The following PHKA1 variants were observed in gnomAD, a reference collection of about 807,000 sequenced individuals.
PHKA1 encodes the protein phosphorylase b kinase regulatory subunit alpha, skeletal muscle isoform.
PHKA1 carries 60 observed loss-of-function variants against 110.2 expected under a neutral mutation model. The observed-to-expected ratio is 0.54, with a 90% CI of 0.44 to 0.68. PHKA1 has a LOEUF of 0.68. PHKA1 is among the 30% of genes least tolerant of loss of function. PHKA1 has a pLI of 0.00. For synonymous variants in PHKA1, 316 were observed against 333.6 expected (o/e 0.95, Z 0.58); for missense variants, 801 against 942.5 (o/e 0.85, Z 1.97).
chrX:72,662,387 C>T (rs941674575), intron 8 of PHKA1, among the ~76,000 whole-genome samples: 10 of 111,715 alleles, frequency 9.0e-5, no homozygotes, highest in Non-Finnish European at 1.5e-4. Flanking sequence ...CTCAGCTGCT[C>T]GAAGCCTGGC....
chrX:72,649,010 C>T (rs1225492026), intron 13 of PHKA1, among the ~76,000 whole-genome samples: 5 of 111,566 alleles, frequency 4.5e-5, no homozygotes, highest in Non-Finnish European at 9.4e-5. Flanking sequence ...AAGGCTGTAG[C>T]CAGGCCTCAA....
intron 3 of PHKA1, among the ~76,000 whole-genome samples, chrX:72,704,438 T>C (rs1006646286): frequency 1.8e-5 from 2 of 111,601 alleles, no homozygotes; most frequent in African/African-American, 3.3e-5. Flanking sequence ...AGGTAATATA[T>C]GGTGTATATA....
chrX:72,682,248 G>GC (rs1391261473), intron 5 of PHKA1, among the ~76,000 whole-genome samples: 3 of 89,726 alleles, frequency 3.3e-5, no homozygotes, highest in African/African-American at 4.0e-5. Flanking sequence ...TGGGGGGTCA[G>GC]CCCCCCGCCC....
At chrX:72,675,405 C>T (rs1556311307) in intron 6 of PHKA1, among the ~76,000 whole-genome samples, 1 of 110,497 alleles carries the variant, frequency 9.1e-6, no homozygotes, top group South Asian at 3.8e-4. Flanking sequence ...TGTTTTTAAC[C>T]TTTCTGTATC....
At chrX:72,617,033 G>A (rs2052907742) in intron 21 of PHKA1, among the ~76,000 whole-genome samples, 1 of 111,567 alleles carries the variant, frequency 9.0e-6, no homozygotes, top group Non-Finnish European at 1.9e-5. Context: ...AGCAATGAAT[G>A]CATATATCAA....
Position 72,591,270 on chromosome X carries a change from G to A in PHKA1, c.3243+1834C>T, listed in dbSNP as rs188066522. ...AGTTCATGTCCTTTGCAGGGACATA[G>A]ACGAAGCTGGAGACCATCATTCTGA... is the stretch of plus-strand genomic sequence containing the variant. On this transcript the variant is annotated intron_variant, in intron 29 of 31. Coordinates refer to ENST00000373542, the MANE Select transcript of PHKA1 (RefSeq NM_002637.4). Among the ~76,000 whole-genome samples, 378 of 111,734 alleles carry A rather than the reference G, an allele frequency of 3.4e-3. 2 individuals carry two copies. Among genetic ancestry groups the A allele is most frequent in the African/African-American group, 0.012 (369 of 30,741 alleles).
chrX:72,678,856 G>A (rs1489438518), intron 5 of PHKA1, among the ~76,000 whole-genome samples: 6 of 112,356 alleles, frequency 5.3e-5, no homozygotes, highest in Non-Finnish European at 1.1e-4. Context: ...TGTTGTAAGA[G>A]TTTGCAGGCC....
rs1039468117 is a variant in PHKA1 at position 72,624,185 on chromosome X, T to C, written c.1794-910A>G. Reference sequence around the variant, plus strand: ...GTCACAAACAAATCTCATGTGCCTCTGATATGATGCACTGAAAGAGACTGT... The same window carrying C: ...GTCACAAACAAATCTCATGTGCCTCCGATATGATGCACTGAAAGAGACTGT... On this transcript the variant is annotated intron_variant, in intron 17 of 31. Transcript: ENST00000373542. Among the ~76,000 whole-genome samples the C allele has an allele frequency of 1.4e-4, 16 of 112,231 alleles. 1 individual carries two copies. The highest frequency in any genetic ancestry group is 1.4e-3 in the Admixed American group (15 of 10,617).
chrX:72,635,412 AC>A (rs1198827957), intron 15 of PHKA1, 113 bp from the exon 16 acceptor site: 5 of 675,941 alleles, frequency 7.4e-6, no homozygotes, highest in Non-Finnish European at 1.1e-5. Context: ...GGGCAATGAT[AC>A]CCCCACATTT....
chrX:72,655,748 G>T (rs931002430), intron 10 of PHKA1, among the ~76,000 whole-genome samples: 20 of 110,624 alleles, frequency 1.8e-4, no homozygotes, highest in African/African-American at 6.3e-4. Context: ...TCAGCCTCCC[G>T]AGTAGCTGGG....
At chrX:72,609,847 G>GA (rs1333289714) in intron 22 of PHKA1, 144 bp from the exon 23 acceptor site, 7 of 491,795 alleles carry the variant, frequency 1.4e-5, no homozygotes, top group Non-Finnish European at 2.5e-5. Flanking sequence ...ATGAAGATCA[G>GA]AAAAGAAGGA....
At chrX:72,649,726 G>A (rs1401242747) in intron 13 of PHKA1, among the ~76,000 whole-genome samples, 2 of 111,355 alleles carry the variant, frequency 1.8e-5, no homozygotes, top group African/African-American at 6.5e-5. Context: ...GGGCGCAGTG[G>A]CTCGCGCCTG....
intron 29 of PHKA1, among the ~76,000 whole-genome samples, chrX:72,586,863 G>A (rs1189288345): frequency 9.1e-5 from 10 of 109,985 alleles, no homozygotes; most frequent in African/African-American, 3.0e-4. Flanking sequence ...GAAATAAAGC[G>A]AGAAGAGAAG....
chrX:72,586,554 C>T (rs782779279), intron 29 of PHKA1, among the ~76,000 whole-genome samples: 11 of 111,251 alleles, frequency 9.9e-5, no homozygotes, highest in Non-Finnish European at 1.5e-4. Context: ...TCACCAACAA[C>T]GGAACAAAGC....
chrX:72,599,271 A>T (rs1174865104), intron 28 of PHKA1, among the ~76,000 whole-genome samples: 1 of 111,488 alleles, frequency 9.0e-6, no homozygotes, highest in African/African-American at 3.3e-5. Context: ...CAGCTTGAGA[A>T]ATCTGAAATC....
intron 25 of PHKA1, among the ~76,000 whole-genome samples, chrX:72,603,654 T>C (rs2052688141): frequency 9.0e-6 from 1 of 111,531 alleles, no homozygotes; most frequent in African/African-American, 3.3e-5. Flanking sequence ...CATGAAATTA[T>C]GAATATATGA....
chrX:72,649,941 G>A (rs1440052818), intron 13 of PHKA1, among the ~76,000 whole-genome samples: 3 of 107,422 alleles, frequency 2.8e-5, no homozygotes, highest in Middle Eastern at 4.7e-3. Context: ...GCAGTGAGCC[G>A]AGATTGCCCC....
At chrX:72,623,433 C>T (rs1477742366) in intron 17 of PHKA1, among the ~76,000 whole-genome samples, 158 bp from the exon 18 acceptor site, 1 of 111,111 alleles carries the variant, frequency 9.0e-6, no homozygotes, top group South Asian at 3.8e-4. Context: ...TTACAGCACT[C>T]CTAGGCATGG....
Position 72,627,034 on chromosome X carries a change from C to A in PHKA1, c.1730G>T (p.Ser577Ile). ...SHSMLDEDGT[S>I]LNSSILAALR... ...TGCTGCCAGGATACTTGAATTCAAG[C>A]TTGTTCCATCTTCATCTTGAAATGA... Residue 577 changes from serine (S) to isoleucine (I), a missense_variant, in exon 17 of 32, where the codon AGC becomes ATC. By Grantham distance (142) the Ser-to-Ile change is moderately radical. This residue lies in a region of PHKA1 where 502 missense variants were observed against 519.2 expected (regional missense o/e 0.97). Coordinates refer to ENST00000373542, the MANE Select transcript of PHKA1 (RefSeq NM_002637.4). 1 of 1,202,813 alleles carries A rather than the reference C, an allele frequency of 8.3e-7. No individual in the cohort carries two copies. Among genetic ancestry groups the A allele is most frequent in the Non-Finnish European group, 1.1e-6 (1 of 887,304 alleles).
Sources: allele counts gnomAD v4.1 joint callset (sites outside exome capture counted in the v4.1 genomes callset), GRCh38; gene constraint gnomAD v4.1.1; regional missense constraint gnomAD v4.1.1; transcripts MANE v1.5; gene names NCBI Gene and HGNC (gene_info 2026-07-23, HGNC 2026-07-21).